LRRC37A2: variants seen among roughly 807,000 people sequenced by gnomAD.
LRRC37A2 encodes the protein leucine-rich repeat-containing protein 37A2.
Under a neutral mutation model 68.8 loss-of-function variants are expected in LRRC37A2, and 9 were observed. The observed-to-expected ratio is 0.13, with a 90% CI of 0.08 to 0.23. The LOEUF (loss-of-function observed/expected upper bound fraction) is 0.23. Ranked by LOEUF, LRRC37A2 falls within the 10% of genes least tolerant of loss-of-function variation. The pLI is 1.00. For synonymous variants in LRRC37A2, 63 were observed against 367.6 expected, an observed-to-expected ratio of 0.17 and a Z score of 9.48; for missense variants, 168 against 950.4, an observed-to-expected ratio of 0.18 and a Z score of 10.82.
At chr17:46,714,286 TA>T in the LRRC37A2 span, among the ~76,000 whole-genome samples, 1 of 152,242 alleles carries the variant, frequency 6.6e-6, no homozygotes, top group African/African-American at 2.4e-5. Flanking sequence ...AGTGTTTGAA[TA>T]AAGTGGACAA....
the LRRC37A2 span, among the ~76,000 whole-genome samples, chr17:46,892,808 C>G: frequency 6.6e-6 from 1 of 152,226 alleles, no homozygotes; most frequent in Non-Finnish European, 1.5e-5. Flanking sequence ...GTTGTTCAAT[C>G]TAGTGGCTGA....
At chr17:46,977,819 A>G in the LRRC37A2 span, among the ~76,000 whole-genome samples, 5 of 151,962 alleles carry the variant, frequency 3.3e-5, no homozygotes, top group Admixed American at 1.3e-4. Flanking sequence ...GCCAAATTGA[A>G]TTTTCCTTGT....
the LRRC37A2 span, among the ~76,000 whole-genome samples, chr17:47,037,239 G>A: frequency 6.6e-5 from 10 of 151,898 alleles, no homozygotes; most frequent in African/African-American, 1.2e-4. Context: ...GCAGTAAGCC[G>A]AGGTCACGCC....
chr17:46,797,222 A>G, the LRRC37A2 span, among the ~76,000 whole-genome samples: 1 of 152,184 alleles, frequency 6.6e-6, no homozygotes, highest in East Asian at 1.9e-4. Context: ...CAACAGGATT[A>G]TGTGGGGCTG....
chr17:46,878,884 C>T, the LRRC37A2 span, among the ~76,000 whole-genome samples: 2 of 152,202 alleles, frequency 1.3e-5, no homozygotes, highest in Non-Finnish European at 2.9e-5. Flanking sequence ...TGGCACAGTG[C>T]AGGTTCTGAG....
chr17:46,539,768 C>CAAAAA (rs1204528686), intron 6 of LRRC37A2, among the ~76,000 whole-genome samples: 10 of 67,020 alleles, frequency 1.5e-4, no homozygotes, highest in East Asian at 3.6e-4. Flanking sequence ...GACTCCATCT[C>CAAAAA]AAAAAAAAAA....
At chr17:46,728,732 T>C in the LRRC37A2 span, 8 of 547,654 alleles carry the variant, frequency 1.5e-5, no homozygotes, top group Non-Finnish European at 2.5e-5. Flanking sequence ...TCTTATTCTA[T>C]ACATATTCTG....
intron 6 of LRRC37A2, among the ~76,000 whole-genome samples, chr17:46,534,133 C>T (rs1385909395): frequency 6.8e-6 from 1 of 146,396 alleles, no homozygotes; most frequent in Non-Finnish European, 1.5e-5. Context: ...GTCACCTCAG[C>T]CTCCTGGGTA....
chr17:47,005,640 G>C, the LRRC37A2 span: 1 of 152,068 alleles, frequency 6.6e-6, no homozygotes. Context: ...ATTTATATTA[G>C]TACTTCTTGC....
chr17:46,631,061 T>TACACACACACACACACAC, the LRRC37A2 span, among the ~76,000 whole-genome samples: 677 of 122,754 alleles, frequency 5.5e-3, 11 homozygotes, highest in African/African-American at 0.017. Context: ...TCTCTCTCTG[T>TACACACACACACACACAC]ACACACACAC....
the LRRC37A2 span, among the ~76,000 whole-genome samples, chr17:46,680,264 T>C: frequency 6.6e-6 from 1 of 151,814 alleles, no homozygotes; most frequent in Non-Finnish European, 1.5e-5. Flanking sequence ...TGAAACAATG[T>C]TATATATTCA....
At chr17:47,023,779 G>A in the LRRC37A2 span, among the ~76,000 whole-genome samples, 2 of 152,050 alleles carry the variant, frequency 1.3e-5, no homozygotes, top group Non-Finnish European at 2.9e-5. Context: ...ATTTTTAGTA[G>A]AGACAGGGTT....
chr17:47,020,789 A>G, the LRRC37A2 span, among the ~76,000 whole-genome samples: 3 of 138,748 alleles, frequency 2.2e-5, no homozygotes, highest in Non-Finnish European at 4.8e-5. Flanking sequence ...CTCAAAAAAA[A>G]AAAAAAAAAA....
At chr17:47,031,470 GACTTT>G in the LRRC37A2 span, among the ~76,000 whole-genome samples, 1 of 144,622 alleles carries the variant, frequency 6.9e-6, no homozygotes, top group Admixed American at 7.0e-5. Context: ...TTTTTTCCCT[GACTTT>G]AAAGTGCTTC....
the LRRC37A2 span, among the ~76,000 whole-genome samples, chr17:46,793,225 G>A: frequency 8.1e-6 from 1 of 123,718 alleles, no homozygotes; most frequent in South Asian, 2.8e-4. Flanking sequence ...AGTGAGCCAA[G>A]ATCGAGCCAT....
chr17:46,721,851 G>A, the LRRC37A2 span: 1 of 1,579,592 alleles, frequency 6.3e-7, no homozygotes, highest in African/African-American at 1.3e-5. Flanking sequence ...CGGCTTTTTC[G>A]AGTTGGCTTA....
chr17:46,492,897 T>C, the LRRC37A2 span, among the ~76,000 whole-genome samples: 12 of 150,338 alleles, frequency 8.0e-5, no homozygotes, highest in Non-Finnish European at 5.9e-5. Context: ...GGTTTCACCA[T>C]GTTAGCGAGG....
At chr17:46,746,457 C>G in the LRRC37A2 span, among the ~76,000 whole-genome samples, 1 of 152,154 alleles carries the variant, frequency 6.6e-6, no homozygotes, top group Non-Finnish European at 1.5e-5. Flanking sequence ...GTTTACCAAA[C>G]CCAAATTGAA....
At chr17:46,805,398 TC>T in the LRRC37A2 span, among the ~76,000 whole-genome samples, 3 of 151,828 alleles carry the variant, frequency 2.0e-5, no homozygotes, top group Admixed American at 6.6e-5. Flanking sequence ...CATGGTGAAA[TC>T]CCATCTCTAC....
Sources: allele counts gnomAD v4.1 joint callset (sites outside exome capture counted in the v4.1 genomes callset), GRCh38; gene constraint gnomAD v4.1.1; transcripts MANE v1.5; gene names NCBI Gene and HGNC (gene_info 2026-07-23, HGNC 2026-07-21).